GTF2A2: variants seen among roughly 807,000 people sequenced by gnomAD.
GTF2A2 encodes the protein general transcription factor IIA subunit 2.
Under a neutral mutation model 14.3 loss-of-function variants are expected in GTF2A2, and 9 were observed. That is an observed-to-expected ratio of 0.63 (90% CI 0.38 to 1.10). GTF2A2 has a LOEUF of 1.10. Among genes scored for constraint, GTF2A2 ranks in the 50% least tolerant of loss-of-function variants. The pLI is 0.01. For missense variants in GTF2A2, 90 were observed against 124.6 expected, an observed-to-expected ratio of 0.72 and a Z score of 1.32; for synonymous variants, 56 against 46.0, an observed-to-expected ratio of 1.22 and a Z score of -0.88.
intron 3 of GTF2A2, among the ~76,000 whole-genome samples, chr15:59,644,633 C>G (rs1349402129): frequency 1.3e-5 from 2 of 152,116 alleles, no homozygotes; most frequent in Non-Finnish European, 2.9e-5. Context: ...GAGAGTACAG[C>G]AAAGGCACTC....
At chr15:59,649,008 G>C (rs1891708136) in intron 3 of GTF2A2, among the ~76,000 whole-genome samples, 2 of 152,142 alleles carry the variant, frequency 1.3e-5, no homozygotes, top group Admixed American at 6.6e-5. Context: ...TTCTATTCTT[G>C]TAAAGGATGC....
chr15:59,652,144 T>C, intron 2 of GTF2A2, 62 bp downstream of exon 2: 1 of 914,544 alleles, frequency 1.1e-6, no homozygotes, highest in Non-Finnish European at 1.8e-6. Context: ...CTAAGTGATA[T>C]GACAAGAATT....
chr15:59,641,181 CTTTTTTTT>C (rs374075324), intron 4 of GTF2A2, among the ~76,000 whole-genome samples: 17 of 141,378 alleles, frequency 1.2e-4, no homozygotes, highest in South Asian at 4.5e-4. Flanking sequence ...CAGCAAGACT[CTTTTTTTT>C]TTTTTTTTTT....
chr15:59,648,867 G>C (rs1414294894), intron 3 of GTF2A2, among the ~76,000 whole-genome samples: 2 of 152,062 alleles, frequency 1.3e-5, no homozygotes, highest in Non-Finnish European at 2.9e-5. Flanking sequence ...CCGGGAGGCG[G>C]AGCTTGCAGT....
At position 59,653,113 on chromosome 15, in the gene GTF2A2, G is replaced by C. The variant is rs373603174; in HGVS notation, c.-49-787C>G. The C allele has an allele frequency of 2.6e-5, 4 of 152,390 alleles. No individual in the cohort carries two copies. In the East Asian group the frequency reaches 7.7e-4, roughly 29 times the overall value. 9.4% of individuals were successfully genotyped at this position (152,390 alleles called of 1,614,324 possible). ...AGCTGAAAGAGACAGCATAGATGGA[G>C]TTGTTTGGCAGGATAGGTGCAAGCA... On this transcript the variant is annotated intron_variant, in intron 1 of 4. Coordinates refer to ENST00000396060, the MANE Select transcript of GTF2A2 (RefSeq NM_004492.3).
chr15:59,642,413 AAAC>A (rs1393960709), intron 3 of GTF2A2, 151 bp from the exon 4 acceptor site: 21 of 588,090 alleles, frequency 3.6e-5, no homozygotes, highest in Middle Eastern at 3.7e-4. Context: ...GCTATTAAAA[AAAC>A]AACCACCAGA....
Position 59,639,169 on chromosome 15 carries a change from A to T in GTF2A2, c.305-12T>A, listed in dbSNP as rs1399380012. ...ATTGGAGCCAGTATCTAGGAAACAA[A>T]AGAGAAAGTAAAGTAAAGTAAATTC... On this transcript the variant is annotated splice_polypyrimidine_tract_variant and intron_variant, in intron 4 of 4. Coordinates refer to ENST00000396060, the MANE Select transcript of GTF2A2 (RefSeq NM_004492.3). 1 of 1,426,734 alleles carries T rather than the reference A, an allele frequency of 7.0e-7. No homozygotes were observed. Among genetic ancestry groups the T allele is most frequent in the Non-Finnish European group, 9.9e-7 (1 of 1,014,058 alleles). 88.4% of individuals were successfully genotyped at this position (1,426,734 alleles called of 1,614,324 possible).
intron 3 of GTF2A2, among the ~76,000 whole-genome samples, chr15:59,643,362 G>C (rs915695485): frequency 1.3e-5 from 2 of 151,906 alleles, no homozygotes; most frequent in East Asian, 3.9e-4. Context: ...TTACAGGCAT[G>C]AATCACTGCA....
chr15:59,648,827 G>A lies in GTF2A2; in HGVS notation c.177+1842C>T, dbSNP rs1171856736. On this transcript the variant is annotated intron_variant, in intron 3 of 4. Coordinates refer to ENST00000396060, the MANE Select transcript of GTF2A2 (RefSeq NM_004492.3). ...CGGGCACCTGTAGTCCCAGCTACTC[G>A]GGGGGCTGAGGCAGGAGAATGGCGT... Among the ~76,000 whole-genome samples, 5 of 151,896 alleles carry A rather than the reference G, an allele frequency of 3.3e-5. No homozygotes were observed. In the East Asian group the frequency reaches 5.8e-4, roughly 18 times the overall value.
intron 3 of GTF2A2, among the ~76,000 whole-genome samples, chr15:59,646,571 T>C (rs1891614372): frequency 6.6e-6 from 1 of 152,232 alleles, no homozygotes; most frequent in South Asian, 2.1e-4. Flanking sequence ...CTTTCAAATA[T>C]AAAGCATTTT....
intron 3 of GTF2A2, among the ~76,000 whole-genome samples, chr15:59,642,478 T>C (rs1256695992): frequency 6.6e-6 from 1 of 152,226 alleles, no homozygotes. Context: ...AGACTGTATT[T>C]TTAGTCTGCA....
intron 3 of GTF2A2, among the ~76,000 whole-genome samples, chr15:59,643,317 T>C (rs1205373360): frequency 6.6e-6 from 1 of 151,984 alleles, no homozygotes; most frequent in Admixed American, 6.6e-5. Flanking sequence ...TGACCTCAGA[T>C]GATCTGCCCG....
Position 59,652,343 on chromosome 15 carries a change from A to C in GTF2A2, c.-49-17T>G. Reference sequence around the variant, plus strand: ...ATTGATGTCCTAAAAATTTAATATAAAATTGTTAAAAAAGATCATACTGTA... The same window carrying C: ...ATTGATGTCCTAAAAATTTAATATACAATTGTTAAAAAAGATCATACTGTA... On this transcript the variant is annotated splice_polypyrimidine_tract_variant and intron_variant, in intron 1 of 4. Transcript: ENST00000396060. The C allele has an allele frequency of 1.2e-6, 1 of 822,108 alleles. No homozygotes were observed. The highest frequency in any genetic ancestry group is 2.0e-6 in the Non-Finnish European group (1 of 497,918). 50.9% of individuals were successfully genotyped at this position (822,108 alleles called of 1,614,324 possible).
At chr15:59,642,473 G>A (rs1274929137) in intron 3 of GTF2A2, among the ~76,000 whole-genome samples, 1 of 152,060 alleles carries the variant, frequency 6.6e-6, no homozygotes, top group African/African-American at 2.4e-5. Context: ...TTGGCAGACT[G>A]TATTTTTAGT....
chr15:59,641,644 C>G (rs1891432251), intron 4 of GTF2A2, among the ~76,000 whole-genome samples: 1 of 150,970 alleles, frequency 6.6e-6, no homozygotes, highest in African/African-American at 2.5e-5. Flanking sequence ...TGAAGAAGTT[C>G]CTAGGTCTGG....
At chr15:59,645,976 G>A (rs1386750543) in intron 3 of GTF2A2, among the ~76,000 whole-genome samples, 1 of 150,790 alleles carries the variant, frequency 6.6e-6, no homozygotes, top group African/African-American at 2.4e-5. Flanking sequence ...GGGGGTCACA[G>A]TGAGGCGAGA....
At chr15:59,654,734 A>C (rs775155725) in intron 1 of GTF2A2, among the ~76,000 whole-genome samples, 19 of 152,344 alleles carry the variant, frequency 1.2e-4, no homozygotes, top group Non-Finnish European at 7.3e-5. Flanking sequence ...TTCACTGAGG[A>C]AACTGCAGCA....
chr15:59,639,695 T>C (rs1316416710), intron 4 of GTF2A2, among the ~76,000 whole-genome samples: 2 of 152,014 alleles, frequency 1.3e-5, no homozygotes, highest in African/African-American at 4.8e-5. Context: ...CCTGACCTCG[T>C]GATCTGCCCG....
At chr15:59,646,295 G>C (rs1891604379) in intron 3 of GTF2A2, among the ~76,000 whole-genome samples, 1 of 152,056 alleles carries the variant, frequency 6.6e-6, no homozygotes, top group Non-Finnish European at 1.5e-5. Context: ...ACCTCAAGTG[G>C]TCTGCCTGCC....
Sources: allele counts gnomAD v4.1 joint callset (sites outside exome capture counted in the v4.1 genomes callset), GRCh38; gene constraint gnomAD v4.1.1; transcripts MANE v1.5; gene names NCBI Gene and HGNC (gene_info 2026-07-23, HGNC 2026-07-21).